FAT3: variants seen among roughly 807,000 people sequenced by gnomAD.
FAT3 encodes the protein FAT atypical cadherin 3.
In FAT3, 95 loss-of-function variants were observed where a neutral mutation model predicts 310.2. That is an observed-to-expected ratio of 0.31 (90% confidence interval 0.26 to 0.36). FAT3 has a LOEUF of 0.36. FAT3 is among the 10% of genes least tolerant of loss of function. The pLI is 1.00. For missense variants in FAT3, 5,408 were observed against 5,715.6 expected, an observed-to-expected ratio of 0.95 and a Z score of 1.74; for synonymous variants, 2,314 against 2,192.9, an observed-to-expected ratio of 1.06 and a Z score of -1.54.
chr11:92,842,719 AC>A (rs1388584528), intron 18 of FAT3, among the ~76,000 whole-genome samples: 1 of 152,020 alleles, frequency 6.6e-6, no homozygotes, highest in African/African-American at 2.4e-5. Context: ...AAAAACAAAA[AC>A]AAAAAAAAAG....
intron 1 of FAT3, among the ~76,000 whole-genome samples, chr11:92,348,763 G>T (rs925093274): frequency 6.6e-6 from 1 of 152,166 alleles, no homozygotes; most frequent in Non-Finnish European, 1.5e-5. Flanking sequence ...AAACTCAGGA[G>T]ATTGGAACAG....
intron 1 of FAT3, among the ~76,000 whole-genome samples, chr11:92,334,585 C>A (rs1184371239): frequency 6.7e-6 from 1 of 150,368 alleles, no homozygotes; most frequent in South Asian, 2.1e-4. Context: ...TAATTTTAAT[C>A]ATCTATAGTG....
intron 2 of FAT3, among the ~76,000 whole-genome samples, chr11:92,410,392 C>T (rs146794944): frequency 5.8e-4 from 88 of 151,668 alleles, no homozygotes; most frequent in African/African-American, 1.9e-3. Flanking sequence ...CAGTGGGGAG[C>T]GGGGAGAGAG....
intron 1 of FAT3, among the ~76,000 whole-genome samples, chr11:92,277,356 T>C (rs1261348371): frequency 6.6e-6 from 1 of 152,100 alleles, no homozygotes; most frequent in East Asian, 1.9e-4. Context: ...AGATCATTAC[T>C]GGATATATAC....
intron 1 of FAT3, among the ~76,000 whole-genome samples, chr11:92,281,849 A>T (rs1021080056): frequency 1.1e-4 from 17 of 152,086 alleles, no homozygotes; most frequent in African/African-American, 4.1e-4. Flanking sequence ...GAGTTCTCAT[A>T]TTCAAGGATC....
intron 1 of FAT3, among the ~76,000 whole-genome samples, chr11:92,248,876 A>G (rs1352672356): frequency 1.3e-5 from 2 of 152,256 alleles, no homozygotes; most frequent in East Asian, 3.9e-4. Context: ...AAAAGATATA[A>G]GAATCATGGA....
chr11:92,463,540 A>C (rs573523663), intron 2 of FAT3, among the ~76,000 whole-genome samples: 8 of 152,304 alleles, frequency 5.3e-5, no homozygotes, highest in African/African-American at 1.9e-4. Flanking sequence ...CTTGTAAAGC[A>C]CTATTTAGCA....
chr11:92,354,876 C>G lies in FAT3; in HGVS notation c.2764C>G (p.Leu922Val). 1 of 1,613,866 alleles carries G rather than the reference C, an allele frequency of 6.2e-7. No individual in the cohort carries two copies. Among genetic ancestry groups the G allele is most frequent in the Non-Finnish European group, 8.5e-7 (1 of 1,179,868 alleles). ...TCAGCAGCTGTTTTCAGTTGTCACT[C>G]TTAAAGTTTTTTTAGATGATGTCAA... ...SGQQLFSVVT[L>V]KVFLDDVNDC... is the part of the protein sequence containing the mutation. Residue 922 changes from leucine to valine, a missense_variant, in exon 2 of 28, where the codon CTT becomes GTT. Transcript: ENST00000525166.
At chr11:92,517,584 C>T (rs1196447110) in intron 2 of FAT3, among the ~76,000 whole-genome samples, 1 of 152,158 alleles carries the variant, frequency 6.6e-6, no homozygotes, top group East Asian at 1.9e-4. Context: ...ATGACTAAAA[C>T]ACCAAAAACA....
At chr11:92,514,992 T>C (rs1173702435) in intron 2 of FAT3, among the ~76,000 whole-genome samples, 1 of 152,100 alleles carries the variant, frequency 6.6e-6, no homozygotes. Flanking sequence ...TCAGAGATGT[T>C]GTGGAAGGGA....
intron 2 of FAT3, among the ~76,000 whole-genome samples, chr11:92,428,006 CTTT>C (rs901160024): frequency 3.3e-5 from 5 of 149,396 alleles, no homozygotes; most frequent in African/African-American, 7.4e-5. Context: ...TGGTCCTAGT[CTTT>C]TTTTTTGGCT....
intron 2 of FAT3, among the ~76,000 whole-genome samples, chr11:92,378,574 C>G (rs946061161): frequency 3.3e-5 from 5 of 152,124 alleles, no homozygotes; most frequent in African/African-American, 1.2e-4. Flanking sequence ...TCACCATCCT[C>G]TTAAAGATTT....
intron 3 of FAT3, among the ~76,000 whole-genome samples, chr11:92,617,649 C>T (rs1940875123): frequency 6.6e-6 from 1 of 152,160 alleles, no homozygotes; most frequent in African/African-American, 2.4e-5. Flanking sequence ...TGGTGACGTA[C>T]AGATGGGGTT....
At chr11:92,293,553 A>ATATATATATATATAT (rs1565206851) in intron 1 of FAT3, among the ~76,000 whole-genome samples, 2 of 16,118 alleles carry the variant, frequency 1.2e-4, no homozygotes, top group African/African-American at 3.0e-4. Context: ...TATATATATA[A>ATATATATATATATAT]ATAAAATATA....
At chr11:92,667,991 G>A (rs1943009910) in intron 3 of FAT3, among the ~76,000 whole-genome samples, 1 of 152,230 alleles carries the variant, frequency 6.6e-6, no homozygotes, top group Non-Finnish European at 1.5e-5. Flanking sequence ...AAGGGTAACA[G>A]GATGTGAGCC....
At chr11:92,629,121 A>G (rs1479006614) in intron 3 of FAT3, among the ~76,000 whole-genome samples, 1 of 152,234 alleles carries the variant, frequency 6.6e-6, no homozygotes, top group Non-Finnish European at 1.5e-5. Context: ...CTAAAACTGC[A>G]GCACTCTCTA....
chr11:92,578,167 T>C (rs933071508), intron 3 of FAT3, among the ~76,000 whole-genome samples: 1 of 152,142 alleles, frequency 6.6e-6, no homozygotes, highest in East Asian at 1.9e-4. Flanking sequence ...TTCCAGAAAG[T>C]AACAATTTGA....
intron 25 of FAT3, 127 bp downstream of exon 25, chr11:92,887,240 C>T: frequency 1.3e-6 from 1 of 761,764 alleles, no homozygotes. Flanking sequence ...TGAGCGTGTT[C>T]ACCAGGTCCC....
At chr11:92,742,794 C>G (rs190605675) in intron 4 of FAT3, among the ~76,000 whole-genome samples, 16 of 152,320 alleles carry the variant, frequency 1.1e-4, no homozygotes. Flanking sequence ...ATTTCCCAGT[C>G]TCAGATATTC....
Sources: gnomAD v4.1 joint callset for allele counts (sites outside exome capture counted in the v4.1 genomes callset) on GRCh38, gnomAD v4.1.1 for gene constraint, MANE v1.5 for transcripts, NCBI Gene and HGNC (gene_info 2026-07-23, HGNC 2026-07-21) for gene names.